Variants in FBN2 observed in about 807,000 individuals in gnomAD.
FBN2 encodes fibrillin-2.
Under a neutral mutation model 355.6 loss-of-function variants are expected in FBN2, and 105 were observed. The ratio of observed to expected loss-of-function variants is 0.30; its 90% CI spans 0.25 to 0.35. The LOEUF is 0.35. FBN2 is among the 10% of genes least tolerant of loss of function. The probability of loss-of-function intolerance (pLI) is 1.00; values close to 1 mark genes in which losing one functional copy is unlikely to be tolerated. For synonymous variants in FBN2, 1,350 were observed against 1,301.2 expected, an observed-to-expected ratio of 1.04 and a Z score of -0.81; for missense variants, 3,280 against 3,758.7, an observed-to-expected ratio of 0.87 and a Z score of 3.33.
intron 5 of FBN2, among the ~76,000 whole-genome samples, chr5:128,514,026 G>C (rs2043536): frequency 3.3e-5 from 4 of 121,636 alleles, no homozygotes; most frequent in African/African-American, 4.2e-5. Flanking sequence ...GTGCAGAAAT[G>C]TGTGTGTGTG....
At position 128,404,772 on chromosome 5, in the gene FBN2, C is replaced by A. The variant is rs191848491; in HGVS notation, c.1078+3902G>T. The stretch of plus-strand genomic sequence containing the variant: ...GAAGTACCTGTGACAATGCAGTAAA[C>A]CCTAAAATGAAGCAAATGAAAACAT... On this transcript the variant is annotated intron_variant, in intron 8 of 64. Coordinates refer to ENST00000262464, the MANE Select transcript of FBN2 (RefSeq NM_001999.4). 3.2e-3 allele frequency among the ~76,000 whole-genome samples: 493 copies of A among 152,236 alleles called. 5 individuals carry two copies. The highest frequency in any genetic ancestry group is 0.011 in the African/African-American group (463 of 41,530).
intron 3 of FBN2, among the ~76,000 whole-genome samples, chr5:128,528,612 T>C (rs766930388): frequency 1.1e-4 from 17 of 152,112 alleles, no homozygotes; most frequent in Non-Finnish European, 2.1e-4. Context: ...AGGTTTCTTC[T>C]GAAGAATGGA....
At chr5:128,536,894 G>A (rs759888413) in intron 1 of FBN2, among the ~76,000 whole-genome samples, 1 of 152,042 alleles carries the variant, frequency 6.6e-6, no homozygotes, top group African/African-American at 2.4e-5. Flanking sequence ...AAAGCGCGTC[G>A]CAAGGTGGAG....
At chr5:128,282,376 G>T (rs1748984405) in intron 55 of FBN2, among the ~76,000 whole-genome samples, 1 of 152,050 alleles carries the variant, frequency 6.6e-6, no homozygotes, top group African/African-American at 2.4e-5. Context: ...AGGGTGCAAG[G>T]TCTGTTGCCT....
intron 25 of FBN2, among the ~76,000 whole-genome samples, chr5:128,340,223 CTCTT>C (rs1465503581): frequency 1.3e-5 from 2 of 152,266 alleles, no homozygotes; most frequent in East Asian, 1.9e-4. Flanking sequence ...CCACTACGAT[CTCTT>C]TATTTTGATG....
At chr5:128,442,274 GAAAGAAT>G (rs1458181697) in intron 7 of FBN2, 1 of 454,670 alleles carries the variant, frequency 2.2e-6, no homozygotes, top group Non-Finnish European at 4.4e-6. Context: ...TGTAAGCCAG[GAAAGAAT>G]AACTAGCTCA....
chr5:128,480,128 T>C (rs1755138492), intron 5 of FBN2, among the ~76,000 whole-genome samples: 1 of 143,510 alleles, frequency 7.0e-6, no homozygotes, highest in Non-Finnish European at 1.5e-5. Flanking sequence ...ATATCCTCTC[T>C]ATATACATAT....
At chr5:128,444,054 CTTTTTTTTTT>C (rs35768962) in intron 7 of FBN2, among the ~76,000 whole-genome samples, 8 of 65,612 alleles carry the variant, frequency 1.2e-4, no homozygotes, top group African/African-American at 4.9e-4. Context: ...ATCACTTGTT[CTTTTTTTTTT>C]TTTTTTTTTT....
At chr5:128,433,183 A>G (rs1753670284) in intron 7 of FBN2, among the ~76,000 whole-genome samples, 1 of 152,192 alleles carries the variant, frequency 6.6e-6, no homozygotes, top group Non-Finnish European at 1.5e-5. Flanking sequence ...AATTTAAAGA[A>G]ATGAAACTGG....
chr5:128,299,434 C>CGCTGCTGCTTT (rs61307257), intron 48 of FBN2, among the ~76,000 whole-genome samples: 1 of 122,942 alleles, frequency 8.1e-6, no homozygotes, highest in Admixed American at 8.2e-5. Context: ...CCCCCAGCCT[C>CGCTGCTGCTTT]ACAGTTTGAT....
intron 6 of FBN2, among the ~76,000 whole-genome samples, chr5:128,453,869 T>C (rs1754318831): frequency 6.6e-6 from 1 of 152,176 alleles, no homozygotes; most frequent in Non-Finnish European, 1.5e-5. Flanking sequence ...GTGTGACTCT[T>C]ATATTTACAG....
chr5:128,383,285 T>C (rs1561429175), intron 11 of FBN2, among the ~76,000 whole-genome samples: 2 of 151,910 alleles, frequency 1.3e-5, no homozygotes, highest in East Asian at 1.9e-4. Flanking sequence ...TGGTTATTAA[T>C]ATACTACAAA....
intron 7 of FBN2, among the ~76,000 whole-genome samples, chr5:128,410,164 A>C (rs1044909799): frequency 6.6e-6 from 1 of 152,240 alleles, no homozygotes; most frequent in African/African-American, 2.4e-5. Context: ...TCAGAATTCT[A>C]ACATGAATTG....
intron 18 of FBN2, among the ~76,000 whole-genome samples, chr5:128,362,342 CTA>C (rs902092204): frequency 2.6e-5 from 4 of 152,156 alleles, no homozygotes; most frequent in Non-Finnish European, 4.4e-5. Flanking sequence ...TCTTTTCCCA[CTA>C]TGTTTTTATC....
intron 42 of FBN2, among the ~76,000 whole-genome samples, chr5:128,306,622 CA>C (rs879402989): frequency 7.7e-4 from 111 of 143,692 alleles, no homozygotes; most frequent in African/African-American, 2.0e-3. Context: ...AACTCCATCT[CA>C]AAAAAAAAAA....
chr5:128,530,449 G>A, intron 3 of FBN2, 146 bp downstream of exon 3: 1 of 663,264 alleles, frequency 1.5e-6, no homozygotes, highest in Non-Finnish European at 2.7e-6. Context: ...TCTGTAAAAT[G>A]GGGTATTAAC....
At chr5:128,377,684 T>G (rs1752114851) in intron 13 of FBN2, 68 bp downstream of exon 13, 1 of 1,530,636 alleles carries the variant, frequency 6.5e-7, no homozygotes, top group East Asian at 2.3e-5. Context: ...ATGGAAATAG[T>G]ACATGGTTCT....
intron 5 of FBN2, among the ~76,000 whole-genome samples, chr5:128,505,046 G>A (rs1313834333): frequency 6.6e-6 from 1 of 152,140 alleles, no homozygotes; most frequent in Non-Finnish European, 1.5e-5. Context: ...TCCTACACAA[G>A]CTCTCTTTCC....
intron 45 of FBN2, among the ~76,000 whole-genome samples, chr5:128,304,169 CT>C (rs1247858267): frequency 2.6e-5 from 4 of 152,214 alleles, no homozygotes; most frequent in Non-Finnish European, 4.4e-5. Flanking sequence ...CTTTTCTACA[CT>C]GAGAAAATGC....
Sources: allele counts gnomAD v4.1 joint callset (sites outside exome capture counted in the v4.1 genomes callset), GRCh38; gene constraint gnomAD v4.1.1; transcripts MANE v1.5; gene names NCBI Gene and HGNC (gene_info 2026-07-23, HGNC 2026-07-21).